BEGAIN: variants seen among roughly 807,000 people sequenced by gnomAD.
BEGAIN encodes the protein brain enriched guanylate kinase associated.
BEGAIN carries 19 observed loss-of-function variants against 35.8 expected under a neutral mutation model. That is an observed-to-expected ratio of 0.53 (90% CI 0.37 to 0.78). BEGAIN has a LOEUF of 0.78. Ranked by LOEUF, BEGAIN falls within the 30% of genes least tolerant of loss-of-function variation. The probability of loss-of-function intolerance (pLI) is 0.00; values close to 1 mark genes in which losing one functional copy is unlikely to be tolerated. For synonymous variants in BEGAIN, 462 were observed against 388.6 expected, an observed-to-expected ratio of 1.19 and a Z score of -2.22; for missense variants, 795 against 853.6, an observed-to-expected ratio of 0.93 and a Z score of 0.85.
At chr14:100,546,732 C>G (rs1022181456) in intron 2 of BEGAIN, 70 bp from the exon 3 acceptor site, 2 of 1,413,878 alleles carry the variant, frequency 1.4e-6, no homozygotes, top group South Asian at 2.8e-5. Flanking sequence ...CGCAGGCCAG[C>G]CGGGGCGTGC....
Position 100,537,732 on chromosome 14 carries a change from G to A in BEGAIN, c.*237C>T. On this transcript the variant is annotated 3_prime_UTR_variant, in exon 7 of 7. Coordinates refer to ENST00000554140, the MANE Select transcript of BEGAIN (RefSeq NM_001385089.1). ...TGCTCCTCTCACATGGGGGAAGGAC[G>A]CGTGAAAAACGCTCTAAGTGGAGTT... 2 of 495,172 alleles carry A rather than the reference G, an allele frequency of 4.0e-6. No individual in the cohort carries two copies. The highest frequency in any genetic ancestry group is 7.0e-5 in the East Asian group (2 of 28,672). 30.7% of individuals were successfully genotyped at this position (495,172 alleles called of 1,614,324 possible).
chr14:100,571,264 C>T (rs988193210), intron 1 of BEGAIN, among the ~76,000 whole-genome samples: 2 of 152,206 alleles, frequency 1.3e-5, no homozygotes, highest in African/African-American at 4.8e-5. Context: ...TGGCCACTAG[C>T]CCCTGCTCTC....
rs571481772 is a variant in BEGAIN, at chr14:100,576,939, T to TG, written c.43-9001dup. Reference sequence around the variant, plus strand: ...ACCTCAGTTTCCAACTCCATATAATTGGGGCAGCTATGAAAGCTGCCTGAC... The same window carrying TG: ...ACCTCAGTTTCCAACTCCATATAATTGGGGGCAGCTATGAAAGCTGCCTGAC... On this transcript the variant is annotated intron_variant, in intron 1 of 6. Transcript: ENST00000554140. Among the ~76,000 whole-genome samples the TG allele has an allele frequency of 3.8e-4, 58 of 152,264 alleles. No individual in the cohort carries two copies. In the East Asian group the frequency reaches 7.5e-3, roughly 20 times the overall value.
chr14:100,545,529 C>T (rs767319515), intron 3 of BEGAIN: 14 of 761,002 alleles, frequency 1.8e-5, no homozygotes, highest in South Asian at 6.0e-5. Flanking sequence ...TCGGTTCTGC[C>T]GGGTAGGAGG....
In BEGAIN at chr14:100,568,134, C is replaced by T. The variant is rs2034874390; in HGVS notation, c.43-195G>A. On this transcript the variant is annotated intron_variant, in intron 1 of 6. Transcript: ENST00000554140. The surrounding 1 kb of genome is among the most constrained non-coding windows in gnomAD (Gnocchi z 7.5). ...CTCAGTGGGCGCGCCGGGCCGCGGC[C>T]GAGTAACAGGTGAGCCCGCCCGGGC... 2 of 1,001,296 alleles carry T rather than the reference C, an allele frequency of 2.0e-6. No homozygotes were observed. Among genetic ancestry groups the T allele is most frequent in the Non-Finnish European group, 1.2e-6 (1 of 838,724 alleles). 62.0% of individuals were successfully genotyped at this position (1,001,296 alleles called of 1,614,324 possible).
At chr14:100,559,313 G>A (rs1353402382) in intron 2 of BEGAIN, among the ~76,000 whole-genome samples, 2 of 152,168 alleles carry the variant, frequency 1.3e-5, no homozygotes, top group Non-Finnish European at 2.9e-5. Flanking sequence ...AGATGGGGTT[G>A]GCAAGAGGGT....
At chr14:100,576,600 G>A (rs2035208989) in intron 1 of BEGAIN, among the ~76,000 whole-genome samples, 1 of 152,184 alleles carries the variant, frequency 6.6e-6, no homozygotes, top group South Asian at 2.1e-4. Context: ...GTTGGGAGAA[G>A]GTGGAACTGG....
intron 2 of BEGAIN, among the ~76,000 whole-genome samples, chr14:100,560,510 G>A (rs1197465498): frequency 1.3e-5 from 2 of 152,154 alleles, no homozygotes; most frequent in African/African-American, 4.8e-5. Context: ...CAGCAGCCTG[G>A]GGTGGTGTGT....
At chr14:100,542,430 TGCCTGGGCAGTCTCCGCCGGCATGCC>T (rs1226677181) in intron 5 of BEGAIN, among the ~76,000 whole-genome samples, 1 of 152,230 alleles carries the variant, frequency 6.6e-6, no homozygotes, top group African/African-American at 2.4e-5. Context: ...ATCTGCATGC[TGCCTGGGCAGTCTCCGCCGGCATGCC>T]GGCCTTCACG....
At position 100,568,811 on chromosome 14, in the gene BEGAIN, C is replaced by T; in HGVS notation, c.43-872G>A. 11 of 958,944 alleles carry T rather than the reference C, an allele frequency of 1.1e-5. No homozygotes were observed. Among genetic ancestry groups the T allele is most frequent in the Non-Finnish European group, 1.1e-5 (9 of 805,530 alleles). The allele number at this position is 958,944 out of a possible 1,614,324, so 59.4% of individuals were successfully genotyped here. A position where few individuals can be genotyped will look rare whatever the true frequency, so the allele number is the denominator to read the frequency against. ...CGGGCTCTCTATCACCCGGGAGAGGCCGCTCCCCGGGGCTTTGCCCGTCTT... is the reference window on the plus strand; with the variant it reads ...CGGGCTCTCTATCACCCGGGAGAGGTCGCTCCCCGGGGCTTTGCCCGTCTT... On this transcript the variant is annotated intron_variant, in intron 1 of 6. Coordinates refer to ENST00000554140, the MANE Select transcript of BEGAIN (RefSeq NM_001385089.1). The surrounding 1 kb of genome is among the most constrained non-coding windows in gnomAD (Gnocchi z 7.5).
chr14:100,545,862 C>G (rs1211332834), intron 3 of BEGAIN, among the ~76,000 whole-genome samples: 1 of 152,180 alleles, frequency 6.6e-6, no homozygotes, highest in Non-Finnish European at 1.5e-5. Flanking sequence ...GCAACACCAG[C>G]CGATTCTCTA....
chr14:100,551,197 G>A (rs2033160089), intron 2 of BEGAIN, among the ~76,000 whole-genome samples: 1 of 152,208 alleles, frequency 6.6e-6, no homozygotes, highest in Non-Finnish European at 1.5e-5. Flanking sequence ...TATGTGGGCT[G>A]GACAGATGGG....
rs1010189131 is a variant in BEGAIN at position 100,543,795 on chromosome 14, C to T, written c.408+63G>A. On this transcript the variant is annotated intron_variant, in intron 5 of 6. Transcript: ENST00000554140. ...GTCAGAATGTGACTCCCAGTGCATC[C>T]TGGGAAGCCCTCGCCTAGGCCCACC... is the stretch of plus-strand genomic sequence containing the variant. 2.8e-5 allele frequency: 37 copies of T among 1,333,616 alleles called. 1 individual carries two copies. The highest frequency in any genetic ancestry group is 1.8e-4 in the Middle Eastern group (1 of 5,546). The allele number at this position is 1,333,616 out of a possible 1,614,324, so 82.6% of individuals were successfully genotyped here. A position where few individuals can be genotyped will look rare whatever the true frequency, so the allele number is the denominator to read the frequency against.
At chr14:100,583,965 C>T (rs1044025849) in intron 1 of BEGAIN, among the ~76,000 whole-genome samples, 1 of 152,212 alleles carries the variant, frequency 6.6e-6, no homozygotes, top group Non-Finnish European at 1.5e-5. Flanking sequence ...TCCCAAAGTG[C>T]TGGGATTACA....
At chr14:100,543,551 G>T (rs563286088) in intron 5 of BEGAIN, among the ~76,000 whole-genome samples, 2 of 152,334 alleles carry the variant, frequency 1.3e-5, no homozygotes, top group East Asian at 1.9e-4. Context: ...AGGAAGCCTT[G>T]CCTTGAATGG....
At position 100,573,210 on chromosome 14, in the gene BEGAIN, T is replaced by A. The variant is rs529896261; in HGVS notation, c.43-5271A>T. On this transcript the variant is annotated intron_variant, in intron 1 of 6. Transcript: ENST00000554140. The surrounding 1 kb of genome is among the most constrained non-coding windows in gnomAD (Gnocchi z 4.2). ...GGGAGGGGCTTCCGGAGGAGGGGGC[T>A]GGTGAGTCTGGGGGGAGGGGCTTCC... Among the ~76,000 whole-genome samples the A allele has an allele frequency of 1.8e-5, 1 of 54,330 alleles. No homozygotes were observed. Among genetic ancestry groups the A allele is most frequent in the Admixed American group, 2.0e-4 (1 of 4,978 alleles). 35.6% of individuals were successfully genotyped at this position (54,330 alleles called of 152,430 possible).
intron 2 of BEGAIN, among the ~76,000 whole-genome samples, chr14:100,562,863 G>A (rs997237385): frequency 3.9e-5 from 6 of 152,232 alleles, no homozygotes; most frequent in Non-Finnish European, 5.9e-5. Context: ...TTCTGTTCCC[G>A]CCGACTAGAA....
rs929302969 is a variant in BEGAIN at position 100,538,978 on chromosome 14, C to G, written c.830G>C (p.Arg277Pro). 4.3e-6 allele frequency: 7 copies of G among 1,610,220 alleles called. No homozygotes were observed. The highest frequency in any genetic ancestry group is 5.9e-6 in the Non-Finnish European group (7 of 1,178,696). The change falls in exon 7 of 7, where the codon CGG (arginine) becomes CCG (proline). Residue 277 changes from arginine to proline, a missense_variant. Physicochemically the swap from Arg to Pro is moderately radical, Grantham distance 103 (BLOSUM62 -2). Around this residue, in one of 3 missense-constraint regions of BEGAIN, gnomAD observed 664 missense variants for 647.7 expected, o/e 1.03. Transcript: ENST00000554140. ...DAPVTDVGFL[R>P]AQNSTDSAAE... Reference sequence around the variant, plus strand: ...CGCGCTGTCAGTGGAGTTCTGGGCCCGCAGGAAGCCCACGTCGGTCACGGG... The same window carrying G: ...CGCGCTGTCAGTGGAGTTCTGGGCCGGCAGGAAGCCCACGTCGGTCACGGG...
At chr14:100,545,294 C>G (rs769354786) in intron 3 of BEGAIN, 4 of 1,366,042 alleles carry the variant, frequency 2.9e-6, no homozygotes, top group Non-Finnish European at 3.8e-6. Flanking sequence ...GACTGTATTT[C>G]CCCCTCCACC....
Sources: allele counts gnomAD v4.1 joint callset (sites outside exome capture counted in the v4.1 genomes callset), GRCh38; gene constraint gnomAD v4.1.1; regional missense constraint gnomAD v4.1.1; non-coding constraint Gnocchi (gnomAD v3.1); transcripts MANE v1.5; gene names NCBI Gene and HGNC (gene_info 2026-07-23, HGNC 2026-07-21).